SWT1: variants seen among roughly 807,000 people sequenced by gnomAD.
SWT1 encodes transcriptional protein SWT1.
In SWT1, 33 loss-of-function variants were observed where a neutral mutation model predicts 107.3. That is an observed-to-expected ratio of 0.31 (90% CI 0.23 to 0.41). The LOEUF (loss-of-function observed/expected upper bound fraction) is 0.41, where lower values mean the gene tolerates loss of function less well. Among genes scored for constraint, SWT1 ranks in the 10% least tolerant of loss-of-function variants. SWT1 has a pLI of 1.00. For missense variants in SWT1, 898 were observed against 1,028.9 expected (o/e 0.87, Z 1.74); for synonymous variants, 345 against 348.3 (o/e 0.99, Z 0.11).
chr1:185,280,915 C>A lies in SWT1; in HGVS notation c.2573+4247C>A, dbSNP rs1052051111. The stretch of plus-strand genomic sequence containing the variant: ...TTCTCAGTGTGGTGGATCACTTCAG[C>A]TAATTTGGTGAGGTTGGAAACCAGA... On this transcript the variant is annotated intron_variant, in intron 18 of 18. Transcript: ENST00000367500. 3.5e-5 allele frequency: 17 copies of A among 481,442 alleles called. No homozygotes were observed. The Admixed American group carries it at 3.7e-4, about 10-fold the overall frequency. The allele number at this position is 481,442 out of a possible 1,614,324, so 29.8% of individuals were successfully genotyped here.
chr1:185,231,824 T>C, intron 16 of SWT1, 116 bp downstream of exon 16: 1 of 675,078 alleles, frequency 1.5e-6, no homozygotes, highest in Non-Finnish European at 2.5e-6. Context: ...TGGCACTTTA[T>C]AGCATGAAAT....
intron 7 of SWT1, 136 bp downstream of exon 7, chr1:185,182,193 AT>A: frequency 2.3e-6 from 2 of 852,460 alleles, no homozygotes; most frequent in Non-Finnish European, 1.7e-6. Flanking sequence ...GTAATAGTTT[AT>A]TTTTTAGGTA....
rs1420413798 is a variant in SWT1, at chr1:185,291,574, A to G, written c.*771A>G. ...CTTTTTAGTTATAGGATAAGTTGGA[A>G]GTCCTTGTTTACTGGAATATATTAT... On this transcript the variant is annotated 3_prime_UTR_variant, in exon 19 of 19. Coordinates refer to ENST00000367500, the MANE Select transcript of SWT1 (RefSeq NM_017673.7). The G allele has an allele frequency of 6.6e-6, 1 of 152,630 alleles. No homozygotes were observed. Among genetic ancestry groups the G allele is most frequent in the Non-Finnish European group, 1.5e-5 (1 of 68,032 alleles). 9.5% of individuals were successfully genotyped at this position (152,630 alleles called of 1,614,324 possible).
intron 16 of SWT1, among the ~76,000 whole-genome samples, chr1:185,245,655 C>T (rs1202765553): frequency 6.6e-6 from 1 of 152,122 alleles, no homozygotes; most frequent in African/African-American, 2.4e-5. Context: ...TTTATTTATG[C>T]CAGCATCACC....
rs73068840 is a variant in SWT1, at chr1:185,229,228, G to A, written c.2310-2349G>A. On this transcript the variant is annotated intron_variant, in intron 15 of 18. Coordinates refer to ENST00000367500, the MANE Select transcript of SWT1 (RefSeq NM_017673.7). ...GAAAATGATGATGATTTGGGTCAGGGCAGTTGTGGGAGAGATGATAAGAAT... is the reference window on the plus strand; with the variant it reads ...GAAAATGATGATGATTTGGGTCAGGACAGTTGTGGGAGAGATGATAAGAAT... Among the ~76,000 whole-genome samples the A allele has an allele frequency of 7.8e-3, 1,190 of 152,204 alleles. 10 individuals carry two copies. The highest frequency in any genetic ancestry group is 0.025 in the African/African-American group (1,041 of 41,510).
chr1:185,181,608 CTG>C (rs1656025443), intron 6 of SWT1, among the ~76,000 whole-genome samples: 1 of 152,146 alleles, frequency 6.6e-6, no homozygotes, highest in African/African-American at 2.4e-5. Context: ...GTATTTGGCT[CTG>C]TGCAAGGAGC....
At chr1:185,205,109 G>C (rs1478541755) in intron 12 of SWT1, among the ~76,000 whole-genome samples, 1 of 151,914 alleles carries the variant, frequency 6.6e-6, no homozygotes, top group African/African-American at 2.4e-5. Context: ...CTGTGTGTCA[G>C]ATGCACTGTC....
At chr1:185,275,389 T>G (rs1330736257) in intron 17 of SWT1, among the ~76,000 whole-genome samples, 2 of 150,218 alleles carry the variant, frequency 1.3e-5, no homozygotes, top group African/African-American at 4.9e-5. Flanking sequence ...TCTTAAAAAT[T>G]ATGGTAAATT....
chr1:185,222,336 C>A lies in SWT1; in HGVS notation c.2309+300C>A, dbSNP rs1037477494. On this transcript the variant is annotated intron_variant, in intron 15 of 18. Transcript: ENST00000367500. ...CCATTGTGTATATGTACCACATTTCCTTTATGCATTCATCCATTATTGGAC... is the reference window on the plus strand; with the variant it reads ...CCATTGTGTATATGTACCACATTTCATTTATGCATTCATCCATTATTGGAC... Among the ~76,000 whole-genome samples the A allele has an allele frequency of 1.6e-4, 24 of 152,090 alleles. 1 individual carries two copies. The highest frequency in any genetic ancestry group is 5.6e-4 in the African/African-American group (23 of 41,434).
At position 185,190,536 on chromosome 1, in the gene SWT1, A is replaced by G; in HGVS notation, c.1430-13A>G. On this transcript the variant is annotated splice_polypyrimidine_tract_variant and intron_variant, in intron 9 of 18. Transcript: ENST00000367500. ...AGTGTACTTACTGACTGTTGCCTTT[A>G]CTAAATTTGCAGATGGATTGAGTGA... 6.5e-7 allele frequency: 1 copy of G among 1,529,286 alleles called. No homozygotes were observed. The highest frequency in any genetic ancestry group is 9.1e-7 in the Non-Finnish European group (1 of 1,104,090). The allele number at this position is 1,529,286 out of a possible 1,614,324, so 94.7% of individuals were successfully genotyped here.
At position 185,222,187 on chromosome 1, in the gene SWT1, C is replaced by G. The variant is rs890897136; in HGVS notation, c.2309+151C>G. Reference sequence around the variant, plus strand: ...ATCAGGCTAGTGAGCCTGATGAATACCTCATGCATTTTAAGTGTTAAGTGA... The same window carrying G: ...ATCAGGCTAGTGAGCCTGATGAATAGCTCATGCATTTTAAGTGTTAAGTGA... On this transcript the variant is annotated intron_variant, in intron 15 of 18. Transcript: ENST00000367500. 7.9e-5 allele frequency: 37 copies of G among 469,418 alleles called. No homozygotes were observed. The Admixed American group carries it at 9.5e-4, about 12-fold the overall frequency. 29.1% of individuals were successfully genotyped at this position (469,418 alleles called of 1,614,324 possible). A position where few individuals can be genotyped will look rare whatever the true frequency, so the allele number is the denominator to read the frequency against.
intron 8 of SWT1, 115 bp downstream of exon 8, chr1:185,184,459 T>C (rs1656284939): frequency 2.9e-6 from 2 of 685,966 alleles, no homozygotes; most frequent in South Asian, 3.6e-5. Context: ...ATGCTATATA[T>C]TAAGCATATT....
chr1:185,261,535 T>C (rs1663014222), intron 16 of SWT1, among the ~76,000 whole-genome samples: 1 of 152,308 alleles, frequency 6.6e-6, no homozygotes, highest in East Asian at 1.9e-4. Context: ...CACTGGACCG[T>C]ATGGTAATCC....
chr1:185,274,298 A>G (rs911308210), intron 17 of SWT1, among the ~76,000 whole-genome samples: 2 of 148,068 alleles, frequency 1.4e-5, no homozygotes, highest in African/African-American at 2.5e-5. Context: ...TAGATGTCAG[A>G]TATATATATT....
At chr1:185,193,894 A>G (rs972472509) in intron 10 of SWT1, among the ~76,000 whole-genome samples, 1 of 152,190 alleles carries the variant, frequency 6.6e-6, no homozygotes, top group Non-Finnish European at 1.5e-5. Flanking sequence ...CACTAAAGCT[A>G]TGGCTTTCTG....
At chr1:185,176,396 G>A (rs575605040) in intron 5 of SWT1, among the ~76,000 whole-genome samples, 2 of 151,604 alleles carry the variant, frequency 1.3e-5, no homozygotes, top group South Asian at 4.2e-4. Flanking sequence ...GTGAAGTGAG[G>A]TAGAATGGGA....
chr1:185,227,020 T>C (rs997124706), intron 15 of SWT1: 7 of 891,630 alleles, frequency 7.9e-6, no homozygotes, highest in South Asian at 5.3e-5. Context: ...CTGTTCTTTA[T>C]GTATTGAGAG....
At chr1:185,257,575 C>G (rs561231974) in intron 16 of SWT1, among the ~76,000 whole-genome samples, 20 of 152,306 alleles carry the variant, frequency 1.3e-4, no homozygotes, top group Non-Finnish European at 2.5e-4. Flanking sequence ...TTCTTTGACT[C>G]GGAAAGGGAA....
chr1:185,234,158 C>T (rs969082170), intron 16 of SWT1, among the ~76,000 whole-genome samples: 4 of 152,100 alleles, frequency 2.6e-5, no homozygotes, highest in African/African-American at 9.7e-5. Flanking sequence ...GAGTTCAAGT[C>T]CTGGATATCT....
Sources: gnomAD v4.1 joint callset for allele counts (sites outside exome capture counted in the v4.1 genomes callset) on GRCh38, gnomAD v4.1.1 for gene constraint, MANE v1.5 for transcripts, NCBI Gene and HGNC (gene_info 2026-07-23, HGNC 2026-07-21) for gene names.